PNPLA1: variants seen among roughly 807,000 people sequenced by gnomAD.
PNPLA1 encodes the protein omega-hydroxyceramide transacylase.
Under a neutral mutation model 51.7 loss-of-function variants are expected in PNPLA1, and 36 were observed. The ratio of observed to expected loss-of-function variants is 0.70; its 90% CI spans 0.53 to 0.92. The LOEUF (loss-of-function observed/expected upper bound fraction) is 0.92. PNPLA1 is among the 40% of genes least tolerant of loss of function. The pLI, the probability that PNPLA1 is intolerant of heterozygous loss-of-function variation, is 0.00. For synonymous variants in PNPLA1, 293 were observed against 280.1 expected (o/e 1.05, Z -0.46); for missense variants, 658 against 682.5 (o/e 0.96, Z 0.40).
At chr6:36,250,981 T>G (rs1225210819) in intron 1 of PNPLA1, among the ~76,000 whole-genome samples, 1 of 152,124 alleles carries the variant, frequency 6.6e-6, no homozygotes, top group African/African-American at 2.4e-5. Context: ...GGATTACAGG[T>G]GTGAGCCACA....
intron 1 of PNPLA1, among the ~76,000 whole-genome samples, chr6:36,277,499 C>T (rs1023630629): frequency 6.6e-6 from 1 of 152,210 alleles, no homozygotes; most frequent in Non-Finnish European, 1.5e-5. Flanking sequence ...TCTGTTGCAA[C>T]AACCATAATC....
At chr6:36,252,140 A>G (rs1769433785) in intron 1 of PNPLA1, among the ~76,000 whole-genome samples, 1 of 152,032 alleles carries the variant, frequency 6.6e-6, no homozygotes. Context: ...TCCTCCAGGC[A>G]GAGACTGCAT....
chr6:36,280,586 A>G (rs867948463), intron 1 of PNPLA1, among the ~76,000 whole-genome samples: 80 of 152,310 alleles, frequency 5.3e-4, no homozygotes, highest in African/African-American at 1.8e-3. Context: ...AGCTTTAAGC[A>G]GAGGTCTCAT....
chr6:36,310,554 T>A (rs1198184857), intron 8 of PNPLA1, among the ~76,000 whole-genome samples: 1 of 152,210 alleles, frequency 6.6e-6, no homozygotes, highest in Non-Finnish European at 1.5e-5. Context: ...TTTCCCCCAT[T>A]CCGATGTGAA....
At chr6:36,310,637 G>C (rs1771387066) in intron 8 of PNPLA1, among the ~76,000 whole-genome samples, 2 of 152,212 alleles carry the variant, frequency 1.3e-5, no homozygotes, top group African/African-American at 4.8e-5. Flanking sequence ...TAAGTAACAT[G>C]CCCGAAGCTA....
chr6:36,304,199 C>T lies in PNPLA1; in HGVS notation c.1384+1730C>T, dbSNP rs538118437. ...GACTGAAGCCAGATTGTAGGGTGCT[C>T]ATGGTCCTCAGCCAAACTTCCAGAG... is the stretch of plus-strand genomic sequence containing the variant. On this transcript the variant is annotated intron_variant, in intron 6 of 8. Transcript: ENST00000636260. 2.4e-4 allele frequency among the ~76,000 whole-genome samples: 36 copies of T among 152,254 alleles called. No individual in the cohort carries two copies. The East Asian group carries it at 5.2e-3, about 22-fold the overall frequency.
rs150478214 is a variant in PNPLA1, at chr6:36,291,531, G to T, written c.417G>T (p.Thr139=). 2.1e-5 allele frequency: 28 copies of T among 1,347,460 alleles called. No homozygotes were observed. The highest frequency in any genetic ancestry group is 2.6e-5 in the Non-Finnish European group (26 of 1,017,430). The allele number at this position is 1,347,460 out of a possible 1,614,324, so 83.5% of individuals were successfully genotyped here. The change falls in exon 2 of 9, where the codon ACG becomes ACT. Residue 139 remains threonine, a synonymous_variant. Transcript: ENST00000636260. The part of the protein sequence containing the change: ...DGENVVVSEF[T]SKEELIEALY... The stretch of plus-strand genomic sequence containing the variant: ...AGAATGTGGTGGTTTCAGAGTTCAC[G>T]TCCAAGGAGGAGCTCATTGAGGCAA...
intron 5 of PNPLA1, among the ~76,000 whole-genome samples, chr6:36,295,997 T>A (rs896144944): frequency 6.6e-6 from 1 of 152,196 alleles, no homozygotes; most frequent in Non-Finnish European, 1.5e-5. Flanking sequence ...GCTAACTCCA[T>A]GGCAAACATC....
At chr6:36,248,796 G>A (rs1181284958) in intron 1 of PNPLA1, among the ~76,000 whole-genome samples, 1 of 152,210 alleles carries the variant, frequency 6.6e-6, no homozygotes, top group African/African-American at 2.4e-5. Context: ...TGAGATTACA[G>A]GTGTGAGCCA....
chr6:36,272,804 G>C (rs1769960443), intron 1 of PNPLA1, among the ~76,000 whole-genome samples: 1 of 152,158 alleles, frequency 6.6e-6, no homozygotes. Flanking sequence ...CCTCTATGCT[G>C]GGTGGAAAGT....
At chr6:36,273,231 C>T (rs1312740555) in intron 1 of PNPLA1, among the ~76,000 whole-genome samples, 3 of 147,246 alleles carry the variant, frequency 2.0e-5, no homozygotes, top group Non-Finnish European at 4.5e-5. Flanking sequence ...CAAAGCCAGA[C>T]TCTGTCTCAA....
At chr6:36,262,015 T>C (rs373349672) in intron 1 of PNPLA1, among the ~76,000 whole-genome samples, 1 of 152,236 alleles carries the variant, frequency 6.6e-6, no homozygotes, top group South Asian at 2.1e-4. Flanking sequence ...TTTTATCCTC[T>C]GGGGAGAATC....
At position 36,270,314 on chromosome 6, in the gene PNPLA1, C is replaced by T. The variant is rs116554614; in HGVS notation, c.-146C>T. The T allele has an allele frequency of 0.024, 19,864 of 818,194 alleles. 466 individuals are homozygous for T. The highest frequency in any genetic ancestry group is 0.094 in the South Asian group (5,515 of 58,708). 50.7% of individuals were successfully genotyped at this position (818,194 alleles called of 1,614,324 possible). A position where few individuals can be genotyped will look rare whatever the true frequency, so the allele number is the denominator to read the frequency against. ...CTTCCTGAGCAGCCTGTGGTTGCTC[C>T]AGCCGGGTAGAGACAGCCACATTCC... On this transcript the variant is annotated 5_prime_UTR_variant, in exon 1 of 9. Transcript: ENST00000636260.
At chr6:36,244,413 T>G (rs545014384) in intron 1 of PNPLA1, among the ~76,000 whole-genome samples, 41 of 152,264 alleles carry the variant, frequency 2.7e-4, no homozygotes, top group African/African-American at 9.1e-4. Context: ...GTTTTGTTTT[T>G]TTTTTTAACT....
At chr6:36,263,896 C>T (rs1029470230) in intron 1 of PNPLA1, among the ~76,000 whole-genome samples, 7 of 152,174 alleles carry the variant, frequency 4.6e-5, no homozygotes, top group Non-Finnish European at 2.9e-5. Flanking sequence ...ACCCTATGAC[C>T]CAGAGCCCGC....
chr6:36,306,386 C>G lies in PNPLA1; in HGVS notation c.1469+10C>G, dbSNP rs373131816. 38 of 1,603,428 alleles carry G rather than the reference C, an allele frequency of 2.4e-5. No homozygotes were observed. Among genetic ancestry groups the G allele is most frequent in the Middle Eastern group, 3.3e-4 (2 of 6,018 alleles). ...GCAAGCCTTATGTAACGTAAGTTTCCCCTTCGTGGAGCACGCTCTTTCCTT... is the reference window on the plus strand; with the variant it reads ...GCAAGCCTTATGTAACGTAAGTTTCGCCTTCGTGGAGCACGCTCTTTCCTT... On this transcript the variant is annotated intron_variant, in intron 7 of 8. Coordinates refer to ENST00000636260, the MANE Select transcript of PNPLA1 (RefSeq NM_001374623.1).
intron 1 of PNPLA1, 114 bp from the exon 2 acceptor site, chr6:36,291,206 A>T: frequency 1.3e-6 from 1 of 750,504 alleles, no homozygotes; most frequent in Non-Finnish European, 2.2e-6. Flanking sequence ...TCCGAATTCT[A>T]GGTTTCCCCA....
chr6:36,250,402 C>T (rs147717588), intron 1 of PNPLA1, among the ~76,000 whole-genome samples: 169 of 152,236 alleles, frequency 1.1e-3, no homozygotes, highest in Middle Eastern at 0.01. Context: ...CTGGAAAGAG[C>T]CTAGGTGCTG....
At chr6:36,245,695 T>A (rs144207212) in intron 1 of PNPLA1, among the ~76,000 whole-genome samples, 117 of 152,332 alleles carry the variant, frequency 7.7e-4, no homozygotes, top group African/African-American at 2.3e-3. Flanking sequence ...TCATTTATCT[T>A]CAAGGAGCAT....
Sources: allele counts gnomAD v4.1 joint callset (sites outside exome capture counted in the v4.1 genomes callset), GRCh38; gene constraint gnomAD v4.1.1; transcripts MANE v1.5; gene names NCBI Gene and HGNC (gene_info 2026-07-23, HGNC 2026-07-21).